Variants in AUTS2 observed in about 807,000 individuals in gnomAD.
AUTS2 encodes activator of transcription and developmental regulator AUTS2, also known as autism susceptibility gene 2 protein.
Under a neutral mutation model 112.4 loss-of-function variants are expected in AUTS2, and 17 were observed. The observed-to-expected ratio is 0.15, with a 90% confidence interval of 0.10 to 0.23. The LOEUF (loss-of-function observed/expected upper bound fraction) is 0.23. AUTS2 is among the 10% of genes least tolerant of loss of function. AUTS2 has a pLI of 1.00. For synonymous variants in AUTS2, 751 were observed against 702.7 expected (o/e 1.07, Z -1.09); for missense variants, 1,510 against 1,701.6 (o/e 0.89, Z 1.98).
At chr7:69,986,119 A>G (rs987104003) in intron 2 of AUTS2, among the ~76,000 whole-genome samples, 3 of 152,134 alleles carry the variant, frequency 2.0e-5, no homozygotes, top group Non-Finnish European at 4.4e-5. Flanking sequence ...AATACCACTT[A>G]TAAACATCTG....
intron 4 of AUTS2, among the ~76,000 whole-genome samples, chr7:70,420,108 C>G (rs190869742): frequency 2.1e-4 from 32 of 152,342 alleles, no homozygotes; most frequent in African/African-American, 6.0e-4. Flanking sequence ...TCTACACAGT[C>G]AGCTTGAAAT....
At chr7:69,800,662 A>G (rs1790042783) in intron 1 of AUTS2, among the ~76,000 whole-genome samples, 1 of 152,160 alleles carries the variant, frequency 6.6e-6, no homozygotes, top group Non-Finnish European at 1.5e-5. Context: ...GCAGAGTTTG[A>G]TTTATCTCTG....
rs544351950 is a variant in AUTS2, at chr7:70,061,935, C to T, written c.523-56197C>T. On this transcript the variant is annotated intron_variant, in intron 2 of 18. Transcript: ENST00000342771. ...CCCGAGTAGCTGAGATTACAGGCTC[C>T]CGCCACCATGCCCAGCTAATTTTTC... 2.6e-5 allele frequency among the ~76,000 whole-genome samples: 4 copies of T among 151,814 alleles called. No homozygotes were observed. In the South Asian group the frequency reaches 8.4e-4, roughly 32 times the overall value.
chr7:70,290,109 A>G (rs551405281), intron 4 of AUTS2, among the ~76,000 whole-genome samples: 5 of 152,360 alleles, frequency 3.3e-5, no homozygotes, highest in African/African-American at 1.2e-4. Flanking sequence ...ATGAAGAGTC[A>G]TGATGTAGAA....
chr7:70,527,111 C>T (rs747963472), intron 5 of AUTS2, among the ~76,000 whole-genome samples: 67 of 152,218 alleles, frequency 4.4e-4, no homozygotes, highest in Non-Finnish European at 1.6e-4. Flanking sequence ...TGCTCATCTC[C>T]GTTGTTCTGG....
intron 4 of AUTS2, among the ~76,000 whole-genome samples, chr7:70,138,319 C>T (rs544203928): frequency 1.3e-5 from 2 of 152,290 alleles, no homozygotes; most frequent in South Asian, 2.1e-4. Context: ...TTCGTGTTGG[C>T]CAGTGGTCTG....
chr7:70,532,544 A>G (rs1191947593), intron 5 of AUTS2, among the ~76,000 whole-genome samples: 1 of 152,174 alleles, frequency 6.6e-6, no homozygotes, highest in African/African-American at 2.4e-5. Flanking sequence ...CCAAGAAAGA[A>G]TATGAAAGGG....
chr7:70,430,302 G>A (rs1212062290), intron 4 of AUTS2, among the ~76,000 whole-genome samples: 1 of 152,148 alleles, frequency 6.6e-6, no homozygotes, highest in Non-Finnish European at 1.5e-5. Flanking sequence ...GATTTAGATG[G>A]ATACTTGAGT....
chr7:69,731,246 C>T (rs1786778840), intron 1 of AUTS2, among the ~76,000 whole-genome samples: 1 of 152,172 alleles, frequency 6.6e-6, no homozygotes, highest in Non-Finnish European at 1.5e-5. Context: ...GAGCCATGAT[C>T]ATGACACTGC....
At chr7:70,542,512 A>G (rs910406424) in intron 5 of AUTS2, among the ~76,000 whole-genome samples, 2 of 152,214 alleles carry the variant, frequency 1.3e-5, no homozygotes, top group African/African-American at 4.8e-5. Context: ...CAGTTACGCC[A>G]GGGAGAATGC....
At chr7:70,160,934 G>A (rs1473536100) in intron 4 of AUTS2, among the ~76,000 whole-genome samples, 1 of 152,186 alleles carries the variant, frequency 6.6e-6, no homozygotes, top group Non-Finnish European at 1.5e-5. Context: ...GGAAGGGAAT[G>A]ATTGTAAATT....
At chr7:69,675,911 T>G (rs1796543474) in intron 1 of AUTS2, among the ~76,000 whole-genome samples, 1 of 152,126 alleles carries the variant, frequency 6.6e-6, no homozygotes, top group African/African-American at 2.4e-5. Context: ...ACCGGGAAAC[T>G]AAGTGTGAGG....
intron 4 of AUTS2, among the ~76,000 whole-genome samples, chr7:70,218,543 T>C (rs899053760): frequency 5.9e-5 from 9 of 152,144 alleles, no homozygotes; most frequent in African/African-American, 1.9e-4. Flanking sequence ...CTTCCTGTGT[T>C]CCATTAATTA....
At chr7:70,411,806 G>A (rs533160042) in intron 4 of AUTS2, among the ~76,000 whole-genome samples, 1 of 152,048 alleles carries the variant, frequency 6.6e-6, no homozygotes, top group East Asian at 1.9e-4. Flanking sequence ...AACATGGCAG[G>A]TACTAAACTG....
intron 1 of AUTS2, among the ~76,000 whole-genome samples, chr7:69,604,975 GA>G (rs2129072795): frequency 6.6e-6 from 1 of 152,336 alleles, no homozygotes; most frequent in East Asian, 1.9e-4. Flanking sequence ...TCTGAAACTT[GA>G]TGGGCTAGAC....
At chr7:69,922,055 A>T (rs1455624793) in intron 2 of AUTS2, among the ~76,000 whole-genome samples, 1 of 151,610 alleles carries the variant, frequency 6.6e-6, no homozygotes, top group African/African-American at 2.4e-5. Flanking sequence ...CAAGAGTGAA[A>T]CTCTGTCTCA....
At chr7:70,558,068 A>G (rs1372598160) in intron 5 of AUTS2, among the ~76,000 whole-genome samples, 3 of 152,088 alleles carry the variant, frequency 2.0e-5, no homozygotes, top group Admixed American at 6.5e-5. Context: ...GCTGATGGGC[A>G]AGAATTCCAC....
intron 4 of AUTS2, among the ~76,000 whole-genome samples, chr7:70,266,104 C>A (rs906627883): frequency 6.6e-5 from 10 of 152,178 alleles, no homozygotes; most frequent in South Asian, 2.1e-4. Context: ...GTTTATAGTA[C>A]CATCATTCAT....
intron 5 of AUTS2, among the ~76,000 whole-genome samples, chr7:70,474,597 A>C (rs1797511041): frequency 6.6e-6 from 1 of 152,346 alleles, no homozygotes; most frequent in East Asian, 1.9e-4. Context: ...ACAGAGGCAT[A>C]TAAAACTCCT....
Sources: gnomAD v4.1 joint callset for allele counts (sites outside exome capture counted in the v4.1 genomes callset) on GRCh38, gnomAD v4.1.1 for gene constraint, MANE v1.5 for transcripts, NCBI Gene and HGNC (gene_info 2026-07-23, HGNC 2026-07-21) for gene names.